HSD17B12: variants seen among roughly 807,000 people sequenced by gnomAD.
HSD17B12 encodes hydroxysteroid 17-beta dehydrogenase 12.
In HSD17B12, 32 loss-of-function variants were observed where a neutral mutation model predicts 39.3. The ratio of observed to expected loss-of-function variants is 0.81; its 90% CI spans 0.61 to 1.09. The LOEUF is 1.09. Ranked by LOEUF, HSD17B12 falls within the 50% of genes least tolerant of loss-of-function variation. HSD17B12 has a pLI of 0.00. For synonymous variants in HSD17B12, 150 were observed against 146.7 expected, an observed-to-expected ratio of 1.02 and a Z score of -0.16; for missense variants, 342 against 382.9, an observed-to-expected ratio of 0.89 and a Z score of 0.89.
intron 1 of HSD17B12, among the ~76,000 whole-genome samples, chr11:43,739,896 G>A (rs543256874): frequency 6.6e-6 from 1 of 152,332 alleles, no homozygotes; most frequent in African/African-American, 2.4e-5. Flanking sequence ...TAAAGAATGA[G>A]GGGAGTGAGA....
At chr11:43,628,262 G>A in the HSD17B12 span, among the ~76,000 whole-genome samples, 1 of 151,790 alleles carries the variant, frequency 6.6e-6, no homozygotes, top group African/African-American at 2.4e-5. Flanking sequence ...AAAACCTTCT[G>A]GTCTTGATCA....
intron 1 of HSD17B12, among the ~76,000 whole-genome samples, chr11:43,700,610 T>C (rs146058662): frequency 3.9e-5 from 6 of 152,336 alleles, no homozygotes; most frequent in Middle Eastern, 3.4e-3. Flanking sequence ...GCCTGACTTA[T>C]TTCACTTGAT....
chr11:43,746,665 A>G (rs998005818), intron 1 of HSD17B12, among the ~76,000 whole-genome samples: 1 of 152,272 alleles, frequency 6.6e-6, no homozygotes, highest in African/African-American at 2.4e-5. Flanking sequence ...TAGTAAATAC[A>G]TAACTCAGTA....
chr11:43,822,345 T>A (rs1055136073), intron 6 of HSD17B12, among the ~76,000 whole-genome samples: 2 of 152,192 alleles, frequency 1.3e-5, no homozygotes, highest in African/African-American at 4.8e-5. Flanking sequence ...AATATTTTTT[T>A]ATTATACTTA....
chr11:43,841,589 T>G (rs1292532823), intron 9 of HSD17B12, among the ~76,000 whole-genome samples: 2 of 152,230 alleles, frequency 1.3e-5, no homozygotes, highest in Non-Finnish European at 2.9e-5. Flanking sequence ...GCAGATATAA[T>G]GCTGTGAAAA....
At chr11:43,780,709 AATGCTCTGGCTCAGC>A (rs1950756854) in intron 3 of HSD17B12, among the ~76,000 whole-genome samples, 1 of 152,082 alleles carries the variant, frequency 6.6e-6, no homozygotes, top group Admixed American at 6.5e-5. Flanking sequence ...AATACTCCAG[AATGCTCTGGCTCAGC>A]ATGGTTCTTT....
intron 4 of HSD17B12, among the ~76,000 whole-genome samples, chr11:43,814,623 G>A (rs1951103952): frequency 6.6e-6 from 1 of 151,988 alleles, no homozygotes; most frequent in Non-Finnish European, 1.5e-5. Flanking sequence ...TTTAAGTTAG[G>A]TGATTGGGAA....
chr11:43,847,715 C>CAAAAAAAAAAAAAAAAA lies in HSD17B12; in HGVS notation c.685-6998_685-6982dup, dbSNP rs749195210. 1.3e-3 allele frequency among the ~76,000 whole-genome samples: 110 copies of CAAAAAAAAAAAAAAAAA among 85,688 alleles called. 3 individuals are homozygous for CAAAAAAAAAAAAAAAAA. Among genetic ancestry groups the CAAAAAAAAAAAAAAAAA allele is most frequent in the African/African-American group, 5.0e-3 (105 of 20,912 alleles). The allele number at this position is 85,688 out of a possible 152,430, so 56.2% of individuals were successfully genotyped here. ...GGTGGCAGAGCAAGACTCTGCCTCA[C>CAAAAAAAAAAAAAAAAA]AAAAAAAAAAAAAAAAAAGAGAAAT... On this transcript the variant is annotated intron_variant, in intron 9 of 10. Coordinates refer to ENST00000278353, the MANE Select transcript of HSD17B12 (RefSeq NM_016142.3).
chr11:43,716,809 A>T (rs1007043925), intron 1 of HSD17B12, among the ~76,000 whole-genome samples: 4 of 150,552 alleles, frequency 2.7e-5, no homozygotes, highest in African/African-American at 9.7e-5. Flanking sequence ...AACATCTGGC[A>T]TGGTGGTGAG....
chr11:43,753,573 AT>A (rs1233540822), intron 2 of HSD17B12, among the ~76,000 whole-genome samples: 66 of 140,944 alleles, frequency 4.7e-4, no homozygotes, highest in South Asian at 8.8e-4. Context: ...AAAAAAAAAA[AT>A]TTTTTTTTTT....
chr11:43,800,723 T>C (rs1216592919), intron 4 of HSD17B12, among the ~76,000 whole-genome samples: 1 of 152,212 alleles, frequency 6.6e-6, no homozygotes, highest in Admixed American at 6.5e-5. Context: ...CATACACTAA[T>C]GAACCATTGT....
intron 3 of HSD17B12, among the ~76,000 whole-genome samples, chr11:43,791,106 C>G (rs1351691917): frequency 6.6e-6 from 1 of 152,208 alleles, no homozygotes; most frequent in African/African-American, 2.4e-5. Context: ...GAGTGAAGGG[C>G]CTTAGGCCAG....
chr11:43,710,509 G>C (rs1237724059), intron 1 of HSD17B12, among the ~76,000 whole-genome samples: 3 of 152,048 alleles, frequency 2.0e-5, no homozygotes, highest in Non-Finnish European at 4.4e-5. Flanking sequence ...GATAAATTTT[G>C]AAATTCTTGA....
intron 3 of HSD17B12, among the ~76,000 whole-genome samples, chr11:43,756,373 A>C (rs1288004597): frequency 3.3e-5 from 5 of 152,170 alleles, no homozygotes; most frequent in African/African-American, 7.2e-5. Flanking sequence ...GCCAAGATAT[A>C]CAGTATTTTA....
chr11:43,660,129 C>T, the HSD17B12 span, among the ~76,000 whole-genome samples: 1 of 152,092 alleles, frequency 6.6e-6, no homozygotes, highest in African/African-American at 2.4e-5. Context: ...ATGTAAACTC[C>T]CTCTCTGATT....
intron 5 of HSD17B12, 137 bp downstream of exon 5, chr11:43,815,638 G>T (rs965429244): frequency 9.9e-6 from 5 of 504,058 alleles, no homozygotes; most frequent in Middle Eastern, 2.9e-4. Flanking sequence ...GAGTTCCCTG[G>T]GTATGGGCCT....
chr11:43,833,692 G>A (rs1176223105), intron 7 of HSD17B12: 1 of 152,174 alleles, frequency 6.6e-6, no homozygotes, highest in Non-Finnish European at 1.5e-5. Flanking sequence ...GGTTTCCATA[G>A]CATTAGTATC....
chr11:43,656,687 C>T, the HSD17B12 span, among the ~76,000 whole-genome samples: 107 of 152,304 alleles, frequency 7.0e-4, no homozygotes, highest in African/African-American at 2.3e-3. Context: ...GCAGGGTGTT[C>T]AGTTTTCATG....
upstream of HSD17B12, among the ~76,000 whole-genome samples, chr11:43,677,809 A>G (rs1273939950): frequency 6.6e-6 from 1 of 152,202 alleles, no homozygotes; most frequent in Non-Finnish European, 1.5e-5. Context: ...TCCATGGTGT[A>G]TATGTGCCAC....
Sources: allele counts gnomAD v4.1 joint callset (sites outside exome capture counted in the v4.1 genomes callset), GRCh38; gene constraint gnomAD v4.1.1; transcripts MANE v1.5; gene names NCBI Gene and HGNC (gene_info 2026-07-23, HGNC 2026-07-21).